HDX: variants seen among roughly 807,000 people sequenced by gnomAD.
HDX encodes the protein highly divergent homeobox.
A neutral mutation model predicts 45.2 loss-of-function variants in HDX; 19 were observed. That is an observed-to-expected ratio of 0.42 (90% CI 0.29 to 0.62). HDX has a LOEUF of 0.62. HDX is among the 20% of genes least tolerant of loss of function. The probability of loss-of-function intolerance (pLI) is 0.20; values close to 1 mark genes in which losing one functional copy is unlikely to be tolerated. For missense variants in HDX, 532 were observed against 493.9 expected (o/e 1.08, Z -0.73); for synonymous variants, 188 against 172.8 (o/e 1.09, Z -0.69).
chrX:84,365,672 C>G (rs193265741), intron 5 of HDX, among the ~76,000 whole-genome samples: 125 of 111,880 alleles, frequency 1.1e-3, no homozygotes, highest in Admixed American at 3.1e-3. Flanking sequence ...TCTGCTGGAA[C>G]ACAATGGGGA....
intron 1 of HDX, among the ~76,000 whole-genome samples, chrX:84,495,196 G>A (rs1297796144): frequency 9.0e-6 from 1 of 110,650 alleles, no homozygotes; most frequent in African/African-American, 3.3e-5. Context: ...CAAGGCTGGA[G>A]AACAGTGAGG....
chrX:84,332,178 T>C (rs2036856508), intron 9 of HDX, among the ~76,000 whole-genome samples: 2 of 111,358 alleles, frequency 1.8e-5, no homozygotes, highest in Admixed American at 9.6e-5. Flanking sequence ...AGTAACAAAG[T>C]TCATGTGAGG....
At chrX:84,365,157 T>C (rs773167625) in intron 5 of HDX, among the ~76,000 whole-genome samples, 13 of 111,111 alleles carry the variant, frequency 1.2e-4, no homozygotes, top group Non-Finnish European at 2.3e-4. Flanking sequence ...CTATTTTTAA[T>C]TTTTTGTGTA....
At chrX:84,376,115 T>G (rs1275640374) in intron 5 of HDX, among the ~76,000 whole-genome samples, 1 of 112,053 alleles carries the variant, frequency 8.9e-6, no homozygotes, top group Non-Finnish European at 1.9e-5. Context: ...TCCCAGACAT[T>G]TGTATACATG....
At chrX:84,434,450 C>T (rs1335377611) in intron 5 of HDX, among the ~76,000 whole-genome samples, 1 of 110,910 alleles carries the variant, frequency 9.0e-6, no homozygotes, top group African/African-American at 3.3e-5. Context: ...TTTTTTTCTT[C>T]ATTCTATTCA....
intron 5 of HDX, among the ~76,000 whole-genome samples, chrX:84,426,126 T>A (rs765610153): frequency 1.8e-5 from 2 of 110,707 alleles, no homozygotes; most frequent in South Asian, 3.8e-4. Context: ...AATTAAAAAA[T>A]TTTAAGAAAA....
intron 1 of HDX, among the ~76,000 whole-genome samples, 192 bp from the exon 2 acceptor site, chrX:84,488,324 AACAC>A (rs200905875): frequency 0.31 from 28,948 of 94,539 alleles, 3,442 homozygotes; most frequent in Admixed American, 0.37. Flanking sequence ...TAAAATCTAA[AACAC>A]ACACACACAC....
chrX:84,374,736 A>G (rs1294200967), intron 5 of HDX, among the ~76,000 whole-genome samples: 1 of 109,337 alleles, frequency 9.1e-6, no homozygotes, highest in Admixed American at 9.9e-5. Context: ...CTTATACAAA[A>G]ACTAATTCAA....
intron 1 of HDX, among the ~76,000 whole-genome samples, chrX:84,501,856 A>G (rs995891800): frequency 2.7e-5 from 3 of 110,751 alleles, no homozygotes; most frequent in Non-Finnish European, 5.6e-5. Context: ...CGCCTGTGCA[A>G]ACTCCACGCC....
At chrX:84,474,346 T>C (rs965321919) in intron 3 of HDX, among the ~76,000 whole-genome samples, 1 of 112,320 alleles carries the variant, frequency 8.9e-6, no homozygotes, top group African/African-American at 3.2e-5. Context: ...TTGTCTAGAA[T>C]TGGTGGTACA....
rs147044941 is a variant in HDX, at chrX:84,462,363, G to C, written c.1251+6109C>G. ...AAATAACAATGAGATCCTGTCATTT[G>C]ACACAACAGAGATGGAACTGGAGGT... On this transcript the variant is annotated intron_variant, in intron 4 of 10. Transcript: ENST00000373177. Among the ~76,000 whole-genome samples, 613 of 111,755 alleles carry C rather than the reference G, an allele frequency of 5.5e-3. 4 individuals carry two copies. Among genetic ancestry groups the C allele is most frequent in the Non-Finnish European group, 4.1e-3 (219 of 53,008 alleles).
intron 6 of HDX, among the ~76,000 whole-genome samples, chrX:84,351,160 G>A (rs1287036709): frequency 9.1e-6 from 1 of 110,289 alleles, no homozygotes; most frequent in African/African-American, 3.3e-5. Flanking sequence ...CCTGGGTGGA[G>A]TTGGGAGCCC....
At chrX:84,368,541 T>C (rs953174147) in intron 5 of HDX, among the ~76,000 whole-genome samples, 1 of 112,094 alleles carries the variant, frequency 8.9e-6, no homozygotes, top group African/African-American at 3.2e-5. Flanking sequence ...TGTGACTTTT[T>C]CTGGGAAAAA....
intron 5 of HDX, among the ~76,000 whole-genome samples, chrX:84,401,898 C>T (rs2038715616): frequency 8.9e-6 from 1 of 111,861 alleles, no homozygotes; most frequent in Non-Finnish European, 1.9e-5. Flanking sequence ...CTTGCAGAAA[C>T]ATGGATGAAG....
At chrX:84,489,662 A>G (rs988001272) in intron 1 of HDX, among the ~76,000 whole-genome samples, 5 of 111,991 alleles carry the variant, frequency 4.5e-5, no homozygotes, top group Non-Finnish European at 7.5e-5. Context: ...GCCTTAACCA[A>G]TCAGGCAGAC....
intron 2 of HDX, among the ~76,000 whole-genome samples, 173 bp from the exon 3 acceptor site, chrX:84,475,570 A>G (rs1256051667): frequency 1.8e-5 from 2 of 112,113 alleles, no homozygotes; most frequent in Admixed American, 9.5e-5. Flanking sequence ...CAGCTTCTCA[A>G]TGAAAAATAT....
chrX:84,330,461 C>A (rs2036820972), intron 9 of HDX, among the ~76,000 whole-genome samples: 1 of 111,545 alleles, frequency 9.0e-6, no homozygotes, highest in South Asian at 3.7e-4. Flanking sequence ...TTTATTTTAT[C>A]AGCTTAGTTA....
At chrX:84,483,110 G>A (rs7891818) in intron 2 of HDX, among the ~76,000 whole-genome samples, 5 of 109,747 alleles carry the variant, frequency 4.6e-5, no homozygotes, top group African/African-American at 6.7e-5. Context: ...AGGGTACAGC[G>A]CCCCCCTCAG....
chrX:84,489,264 T>A (rs185250350), intron 1 of HDX, among the ~76,000 whole-genome samples: 1 of 111,870 alleles, frequency 8.9e-6, no homozygotes, highest in African/African-American at 3.2e-5. Context: ...GAAAGTTGGA[T>A]TAAAATCAAC....
Sources: gnomAD v4.1 joint callset for allele counts (sites outside exome capture counted in the v4.1 genomes callset) on GRCh38, gnomAD v4.1.1 for gene constraint, MANE v1.5 for transcripts, NCBI Gene and HGNC (gene_info 2026-07-23, HGNC 2026-07-21) for gene names.